The following SZT2 variants were observed in gnomAD, a reference collection of about 807,000 sequenced individuals.
SZT2 encodes the protein SZT2 subunit of KICSTOR complex.
Under a neutral mutation model 404.2 loss-of-function variants are expected in SZT2, and 216 were observed. The ratio of observed to expected loss-of-function variants is 0.53; its 90% CI spans 0.48 to 0.60. The LOEUF (loss-of-function observed/expected upper bound fraction) is 0.60, where lower values mean the gene tolerates loss of function less well. Ranked by LOEUF, SZT2 falls within the 20% of genes least tolerant of loss-of-function variation. SZT2 has a pLI of 0.00. For missense variants in SZT2, 3,857 were observed against 4,459.2 expected (o/e 0.86, Z 3.85); for synonymous variants, 1,693 against 1,749.9 (o/e 0.97, Z 0.81).
Position 43,451,559 on chromosome 1 carries a change from G to A in SZT2, c.*1079G>A, listed in dbSNP as rs1463632781. On this transcript the variant is annotated 3_prime_UTR_variant, in exon 72 of 72. Coordinates refer to ENST00000634258, the MANE Select transcript of SZT2 (RefSeq NM_001365999.1). Reference sequence around the variant, plus strand: ...CTGCACATGCCCTGGGGACAGATGTGGACAAATGTGGGGTCCAGGCTCCTG... The same window carrying A: ...CTGCACATGCCCTGGGGACAGATGTAGACAAATGTGGGGTCCAGGCTCCTG... The A allele has an allele frequency of 6.2e-7, 1 of 1,613,394 alleles. No individual in the cohort carries two copies.
At chr1:43,403,465 G>A (rs1649926077) in intron 2 of SZT2, 136 bp from the exon 3 acceptor site, 1 of 1,395,496 alleles carries the variant, frequency 7.2e-7, no homozygotes. Flanking sequence ...TTTTTCCAGA[G>A]AGTGAGAGGA....
chr1:43,422,358 C>A, intron 12 of SZT2, 122 bp from the exon 13 acceptor site: 1 of 1,482,736 alleles, frequency 6.7e-7, no homozygotes, highest in Non-Finnish European at 9.0e-7. Flanking sequence ...CTTTTCCTTG[C>A]CTCCCTGCTC....
Position 43,424,176 on chromosome 1 carries a change from G to A in SZT2, c.2256-41G>A, listed in dbSNP as rs778951971. ...AGGTGTGGAAGGGCGTGGCTTAGCCGGGGATGAGAGAGATAGCTGGGGAGT... is the reference window on the plus strand; with the variant it reads ...AGGTGTGGAAGGGCGTGGCTTAGCCAGGGATGAGAGAGATAGCTGGGGAGT... On this transcript the variant is annotated intron_variant, in intron 15 of 71. Transcript: ENST00000634258. The surrounding 1 kb of genome is among the most constrained non-coding windows in gnomAD (Gnocchi z 4.1). 10 of 1,557,192 alleles carry A rather than the reference G, an allele frequency of 6.4e-6. No homozygotes were observed. Among genetic ancestry groups the A allele is most frequent in the African/African-American group, 4.1e-5 (3 of 73,814 alleles).
chr1:43,422,389 G>T lies in SZT2; in HGVS notation c.1770-91G>T. On this transcript the variant is annotated intron_variant, in intron 12 of 71. Coordinates refer to ENST00000634258, the MANE Select transcript of SZT2 (RefSeq NM_001365999.1). ...TGCTCTTCAGTCCCCATAACCTCAG[G>T]CAAGGCCTAGAAGAGAGTGATAGTA... 22 of 1,498,584 alleles carry T rather than the reference G, an allele frequency of 1.5e-5. 1 individual carries two copies. The South Asian group carries it at 2.9e-4, about 20-fold the overall frequency. 92.8% of individuals were successfully genotyped at this position (1,498,584 alleles called of 1,614,324 possible).
rs1557616086 is a variant in SZT2, at chr1:43,452,455, A to G, written c.*1975A>G. On this transcript the variant is annotated 3_prime_UTR_variant, in exon 72 of 72. Coordinates refer to ENST00000634258, the MANE Select transcript of SZT2 (RefSeq NM_001365999.1). ...GGCACCTGGGTCACGATGCCCAGGTATCCCAGCACTTTCAGAGACACTTCA... is the reference window on the plus strand; with the variant it reads ...GGCACCTGGGTCACGATGCCCAGGTGTCCCAGCACTTTCAGAGACACTTCA... The G allele has an allele frequency of 5.4e-6, 4 of 739,164 alleles. No individual in the cohort carries two copies. The highest frequency in any genetic ancestry group is 9.8e-6 in the Non-Finnish European group (4 of 406,880). The allele number at this position is 739,164 out of a possible 1,614,324, so 45.8% of individuals were successfully genotyped here.
In SZT2 at chr1:43,452,570, C is replaced by T. The variant is rs1308213773; in HGVS notation, c.*2090C>T. ...AGTACTTTCCAAAACCTTTCCTTCC[C>T]TCGGTCCTTCTCCGCAACCTGTAAC... On this transcript the variant is annotated 3_prime_UTR_variant, in exon 72 of 72. Transcript: ENST00000634258. 1 of 612,388 alleles carries T rather than the reference C, an allele frequency of 1.6e-6. No individual in the cohort carries two copies. Among genetic ancestry groups the T allele is most frequent in the Non-Finnish European group, 2.9e-6 (1 of 340,206 alleles). The allele number at this position is 612,388 out of a possible 1,614,324, so 37.9% of individuals were successfully genotyped here. A position where few individuals can be genotyped will look rare whatever the true frequency, so the allele number is the denominator to read the frequency against.
Position 43,453,593 on chromosome 1 carries a change from A to C in SZT2, c.*3113A>C. 1 of 1,504,230 alleles carries C rather than the reference A, an allele frequency of 6.6e-7. No individual in the cohort carries two copies. The highest frequency in any genetic ancestry group is 2.1e-5 in the Admixed American group (1 of 46,894). The allele number at this position is 1,504,230 out of a possible 1,614,324, so 93.2% of individuals were successfully genotyped here. A position where few individuals can be genotyped will look rare whatever the true frequency, so the allele number is the denominator to read the frequency against. On this transcript the variant is annotated 3_prime_UTR_variant, in exon 72 of 72. Transcript: ENST00000634258. ...TCCCAGCCCTCCCGGCCCGCGACGC[A>C]CCCGGGGGCGTGTTGATCAGTACAA...
At chr1:43,396,491 A>G (rs113235997) in intron 1 of SZT2, among the ~76,000 whole-genome samples, 2 of 152,228 alleles carry the variant, frequency 1.3e-5, no homozygotes, top group Non-Finnish European at 2.9e-5. Flanking sequence ...AACTCTACCA[A>G]CTAAACAGGT....
chr1:43,432,281 C>T lies in SZT2; in HGVS notation c.5284C>T (p.Arg1762Cys), dbSNP rs141456660. Residue 1762 changes from arginine to cysteine, a missense_variant, in exon 37 of 72, where the codon CGC becomes TGC. Arg to Cys is a radical substitution (Grantham distance 180). Around this residue, in one of 7 missense-constraint regions of SZT2, gnomAD observed 1,725 missense variants for 1,881.0 expected, o/e 0.92. Coordinates refer to ENST00000634258, the MANE Select transcript of SZT2 (RefSeq NM_001365999.1). ...GGCTCCTGCTCTCTAGGAGTTCCGCCGCCTCCATCTCCCTGGCCATGTTCT... is the reference window on the plus strand; with the variant it reads ...GGCTCCTGCTCTCTAGGAGTTCCGCTGCCTCCATCTCCCTGGCCATGTTCT... ...SLTQFKEEFR[R>C]LHLPGHVLLE... 1.7e-5 allele frequency: 26 copies of T among 1,555,650 alleles called. No homozygotes were observed. Among genetic ancestry groups the T allele is most frequent in the Middle Eastern group, 1.7e-4 (1 of 5,776 alleles).
chr1:43,416,198 G>A, intron 6 of SZT2, 97 bp downstream of exon 6: 2 of 1,449,932 alleles, frequency 1.4e-6, no homozygotes, highest in Non-Finnish European at 1.8e-6. Flanking sequence ...GAATCAGTGG[G>A]CCCCAGGGAA....
chr1:43,452,182 G>A lies in SZT2; in HGVS notation c.*1702G>A, dbSNP rs562736952. 33 of 1,577,680 alleles carry A rather than the reference G, an allele frequency of 2.1e-5. No homozygotes were observed. The highest frequency in any genetic ancestry group is 4.5e-5 in the East Asian group (2 of 44,238). On this transcript the variant is annotated 3_prime_UTR_variant, in exon 72 of 72. Coordinates refer to ENST00000634258, the MANE Select transcript of SZT2 (RefSeq NM_001365999.1). The stretch of plus-strand genomic sequence containing the variant: ...CACACCCACAGAGACATGTAAGTAC[G>A]TGTGTGTTTCCACCTTTCTCACCTG...
Position 43,440,456 on chromosome 1 carries a change from G to A in SZT2, c.7214G>A (p.Ser2405Asn), listed in dbSNP as rs1460377705. The A allele has an allele frequency of 3.1e-6, 5 of 1,588,708 alleles. No homozygotes were observed. In the South Asian group the frequency reaches 4.6e-5, roughly 15 times the overall value. Residue 2405 changes from serine (S) to asparagine (N), a missense_variant, in exon 52 of 72, where the codon AGT (serine) becomes AAT (asparagine). Transcript: ENST00000634258. ...CTGTAATGTCTGATGTCCACAGGAA[G>A]TCTCAGGAACGGATCGTTGGAAACT... ...SLCTEDTPTG[S>N]LRNGSLETKS...
chr1:43,414,617 G>C (rs531728061), intron 4 of SZT2, among the ~76,000 whole-genome samples: 28 of 152,192 alleles, frequency 1.8e-4, no homozygotes, highest in Non-Finnish European at 3.7e-4. Context: ...GTCCAGAATA[G>C]CCTCTGTGTG....
intron 12 of SZT2, 89 bp from the exon 13 acceptor site, chr1:43,422,391 A>T: frequency 6.7e-7 from 1 of 1,495,642 alleles, no homozygotes; most frequent in Non-Finnish European, 8.9e-7. Flanking sequence ...AACCTCAGGC[A>T]AGGCCTAGAA....
Position 43,448,677 on chromosome 1 carries a change from C to T in SZT2, c.10035C>T (p.Phe3345=). 6.2e-7 allele frequency: 1 copy of T among 1,614,216 alleles called. No homozygotes were observed. Among genetic ancestry groups the T allele is most frequent in the Non-Finnish European group, 8.5e-7 (1 of 1,180,042 alleles). Residue 3345 remains phenylalanine, a synonymous_variant, in exon 70 of 72, where the codon TTC becomes TTT. Coordinates refer to ENST00000634258, the MANE Select transcript of SZT2 (RefSeq NM_001365999.1). The surrounding 1 kb of genome is among the most constrained non-coding windows in gnomAD (Gnocchi z 4.2). Reference sequence around the variant, plus strand: ...TGATCAAAGTTCTCCTAAGCCGCTTCCCCCAGAGCTGTCGCCATTTCCAAA... The same window carrying T: ...TGATCAAAGTTCTCCTAAGCCGCTTTCCCCAGAGCTGTCGCCATTTCCAAA... The part of the protein sequence containing the change: ...QSLIKVLLSR[F]PQSCRHFQSP...
At chr1:43,402,628 A>G (rs920049781) in intron 1 of SZT2, among the ~76,000 whole-genome samples, 10 of 152,234 alleles carry the variant, frequency 6.6e-5, no homozygotes, top group South Asian at 2.1e-4. Context: ...CTATGAGGCA[A>G]TGGAGGCAAG....
chr1:43,424,229 G>C lies in SZT2; in HGVS notation c.2268G>C (p.Leu756=). The change falls in exon 16 of 72, where the codon CTG becomes CTC. Residue 756 remains leucine, a synonymous_variant. Coordinates refer to ENST00000634258, the MANE Select transcript of SZT2 (RefSeq NM_001365999.1). The surrounding 1 kb of genome is among the most constrained non-coding windows in gnomAD (Gnocchi z 4.1). ...LDKLLIRYEK[L]PLDYRAPFLL... ...TCCCATTTCCTAGGTATGAGAAGCTGCCCTTGGACTACCGGGCACCCTTCT... is the reference window on the plus strand; with the variant it reads ...TCCCATTTCCTAGGTATGAGAAGCTCCCCTTGGACTACCGGGCACCCTTCT... The C allele has an allele frequency of 6.3e-7, 1 of 1,597,576 alleles. No individual in the cohort carries two copies. The highest frequency in any genetic ancestry group is 2.2e-5 in the East Asian group (1 of 44,872).
At position 43,442,012 on chromosome 1, in the gene SZT2, A is replaced by G. The variant is rs1193246672; in HGVS notation, c.7755A>G (p.Pro2585=). The change falls in exon 56 of 72, where the codon CCA becomes CCG. Residue 2585 remains proline, a synonymous_variant. Transcript: ENST00000634258. This position sits in a 1 kb window ranked among gnomAD's most constrained non-coding sequence, Gnocchi z 4.5. ...TCCCTTTCAATAGGGGTTCAGAGCC[A>G]GAGATCTTCGGCCCTTGTTCCCCTG... The part of the protein sequence containing the change: ...RIFEQHLGSE[P]EIFGPCSPGQ... 5.6e-6 allele frequency: 9 copies of G among 1,613,086 alleles called. No homozygotes were observed. Among genetic ancestry groups the G allele is most frequent in the Non-Finnish European group, 6.8e-6 (8 of 1,179,498 alleles).
At position 43,438,564 on chromosome 1, in the gene SZT2, C is replaced by T. The variant is rs563425815; in HGVS notation, c.6509-135C>T. On this transcript the variant is annotated intron_variant, in intron 46 of 71. Transcript: ENST00000634258. ...TGGCAGAATTGGAACCTAGTGCTGGCTACCTCCAGAGCCAGCACTCCTAAC... is the reference window on the plus strand; with the variant it reads ...TGGCAGAATTGGAACCTAGTGCTGGTTACCTCCAGAGCCAGCACTCCTAAC... 23 of 800,072 alleles carry T rather than the reference C, an allele frequency of 2.9e-5. No homozygotes were observed. The South Asian group carries it at 3.4e-4, about 12-fold the overall frequency. 49.6% of individuals were successfully genotyped at this position (800,072 alleles called of 1,614,324 possible). A position where few individuals can be genotyped will look rare whatever the true frequency, so the allele number is the denominator to read the frequency against.
Sources: allele counts gnomAD v4.1 joint callset (sites outside exome capture counted in the v4.1 genomes callset), GRCh38; gene constraint gnomAD v4.1.1; regional missense constraint gnomAD v4.1.1; non-coding constraint Gnocchi (gnomAD v3.1); transcripts MANE v1.5; gene names NCBI Gene and HGNC (gene_info 2026-07-23, HGNC 2026-07-21).